Variants in LIFR observed in about 807,000 individuals in gnomAD.
The protein encoded by LIFR is LIF receptor subunit alpha.
In LIFR, 84 loss-of-function variants were observed where a neutral mutation model predicts 122.2. That is an observed-to-expected ratio of 0.69 (90% CI 0.58 to 0.82). LIFR has a LOEUF of 0.82. Among genes scored for constraint, LIFR ranks in the 40% least tolerant of loss-of-function variants. The pLI, the probability that LIFR is intolerant of heterozygous loss-of-function variation, is 0.00. For missense variants in LIFR, 1,294 were observed against 1,311.6 expected (o/e 0.99, Z 0.21); for synonymous variants, 422 against 434.7 (o/e 0.97, Z 0.36).
At chr5:38,511,659 C>T (rs2112497802) in intron 6 of LIFR, 131 bp downstream of exon 6, 2 of 828,770 alleles carry the variant, frequency 2.4e-6, no homozygotes, top group East Asian at 2.6e-5. Context: ...GGATGGTGGG[C>T]TTAGACGCTC....
rs753453999 is a variant in LIFR at position 38,511,834 on chromosome 5, C to A, written c.692G>T (p.Gly231Val). 8.7e-6 allele frequency: 14 copies of A among 1,613,972 alleles called. No individual in the cohort carries two copies. The highest frequency in any genetic ancestry group is 1.7e-5 in the Admixed American group (1 of 60,006). ...RCYIDNLHFS[G>V]LEEWSDWSPV... is the part of the protein sequence containing the mutation. ...GCTCCAGTCACTCCACTCTTCGAGA[C>A]CAGAAAAATGAAGATTGTCAATGTA... Residue 231 changes from glycine to valine, a missense_variant, in exon 6 of 20, where the codon GGT becomes GTT. Physicochemically the swap from Gly to Val is moderately radical, Grantham distance 109. Coordinates refer to ENST00000453190, the MANE Select transcript of LIFR (RefSeq NM_001127671.2).
chr5:38,544,026 T>C (rs1188986717), intron 1 of LIFR, among the ~76,000 whole-genome samples: 1 of 152,130 alleles, frequency 6.6e-6, no homozygotes, highest in Non-Finnish European at 1.5e-5. Flanking sequence ...CTTGAGTCAT[T>C]CCTTTCCTTC....
chr5:38,541,763 T>C (rs1747604231), intron 1 of LIFR, among the ~76,000 whole-genome samples: 1 of 152,112 alleles, frequency 6.6e-6, no homozygotes, highest in African/African-American at 2.4e-5. Flanking sequence ...AGGATTCTAA[T>C]AAATAAATCC....
chr5:38,533,203 C>T (rs1747110177), intron 1 of LIFR, among the ~76,000 whole-genome samples: 1 of 152,198 alleles, frequency 6.6e-6, no homozygotes, highest in South Asian at 2.1e-4. Context: ...TGGGCAGTAT[C>T]CTTCCTGCCC....
rs1579983261 is a variant in LIFR, at chr5:38,477,104, T to C, written c.*4491A>G. The C allele has an allele frequency of 4.5e-6, 1 of 223,948 alleles. No homozygotes were observed. Among genetic ancestry groups the C allele is most frequent in the East Asian group, 6.5e-5 (1 of 15,340 alleles). 13.9% of individuals were successfully genotyped at this position (223,948 alleles called of 1,614,324 possible). A position where few individuals can be genotyped will look rare whatever the true frequency, so the allele number is the denominator to read the frequency against. On this transcript the variant is annotated 3_prime_UTR_variant, in exon 20 of 20. Transcript: ENST00000453190. The stretch of plus-strand genomic sequence containing the variant: ...TAATCCTTTACACTGGCACTAAAAA[T>C]AGTTCATCTGTAATAAGCATGAATA...
chr5:38,502,852 CAT>C (rs199662337), intron 10 of LIFR, 53 bp from the exon 11 acceptor site: 92 of 1,023,810 alleles, frequency 9.0e-5, no homozygotes, highest in South Asian at 2.1e-4. Context: ...TGTATGAATA[CAT>C]ATATATATAC....
At chr5:38,517,048 G>A (rs1392769204) in intron 5 of LIFR, among the ~76,000 whole-genome samples, 1 of 151,938 alleles carries the variant, frequency 6.6e-6, no homozygotes, top group Non-Finnish European at 1.5e-5. Context: ...CACACATCGG[G>A]GCCTGTCAGG....
Position 38,485,894 on chromosome 5 carries a change from G to A in LIFR, c.2422C>T (p.His808Tyr). The A allele has an allele frequency of 6.2e-7, 1 of 1,614,070 alleles. No homozygotes were observed. Among genetic ancestry groups the A allele is most frequent in the Non-Finnish European group, 8.5e-7 (1 of 1,179,962 alleles). Residue 808 changes from histidine (H) to tyrosine (Y), a missense_variant, in exon 17 of 20, where the codon CAC (histidine) becomes TAC (tyrosine). Physicochemically the swap from His to Tyr is moderately conservative, Grantham distance 83 (BLOSUM62 2). Coordinates refer to ENST00000453190, the MANE Select transcript of LIFR (RefSeq NM_001127671.2). ...TCTGTATAGGCTCGCAAGACCAGGT[G>A]GTAACTTGTTTTACCTTGAAGATCA... ...IADLQGKTSY[H>Y]LVLRAYTDGG...
At position 38,593,147 on chromosome 5, in the gene LIFR, G is replaced by C. The variant is rs6871054; in HGVS notation, c.-20+2114C>G. On this transcript the variant is annotated intron_variant, in intron 1 of 19. Transcript: ENST00000263409. ...GAACCCAGGAGGCGGAGGTTGCGGT[G>C]AGCCGAGGTCGAGCCACTGCACTCC... Among the ~76,000 whole-genome samples, 849 of 151,850 alleles carry C rather than the reference G, an allele frequency of 5.6e-3. 4 individuals carry two copies. Among genetic ancestry groups the C allele is most frequent in the African/African-American group, 0.018 (758 of 41,456 alleles).
chr5:38,581,382 G>A, intron 1 of LIFR, among the ~76,000 whole-genome samples: 1 of 151,940 alleles, frequency 6.6e-6, no homozygotes, highest in East Asian at 1.9e-4. Flanking sequence ...TAAACGCGGA[G>A]TCTACACTCT....
rs563723871 is a variant in LIFR at position 38,485,682 on chromosome 5, C to T, written c.2497+137G>A. 1.0e-3 allele frequency: 928 copies of T among 891,906 alleles called. 4 individuals are homozygous for T. Among genetic ancestry groups the T allele is most frequent in the Non-Finnish European group, 2.6e-4 (142 of 548,736 alleles). The allele number at this position is 891,906 out of a possible 1,614,324, so 55.2% of individuals were successfully genotyped here. On this transcript the variant is annotated intron_variant, in intron 17 of 19. Coordinates refer to ENST00000453190, the MANE Select transcript of LIFR (RefSeq NM_001127671.2). ...TAATCTTACAGCTTTTTAACCCTTC[C>T]CTCTACCAGCCAAAAACTGCAACAA...
intron 17 of LIFR, chr5:38,485,539 G>A (rs889133791): frequency 2.6e-5 from 12 of 459,976 alleles, no homozygotes; most frequent in African/African-American, 9.8e-5. Flanking sequence ...AATGTTGACC[G>A]TTAGATAAAT....
intron 13 of LIFR, among the ~76,000 whole-genome samples, chr5:38,494,812 G>C (rs1027076631): frequency 2.0e-5 from 3 of 152,156 alleles, no homozygotes; most frequent in African/African-American, 7.2e-5. Flanking sequence ...GCAGCCATGG[G>C]AGAGTACTTA....
intron 5 of LIFR, among the ~76,000 whole-genome samples, chr5:38,515,787 G>T (rs775426567): frequency 6.6e-6 from 1 of 152,100 alleles, no homozygotes; most frequent in African/African-American, 2.4e-5. Context: ...ATTTGTGTGT[G>T]GGGGAGCAGT....
intron 1 of LIFR, among the ~76,000 whole-genome samples, chr5:38,534,265 A>C (rs569964389): frequency 6.6e-6 from 1 of 152,328 alleles, no homozygotes; most frequent in East Asian, 1.9e-4. Context: ...CCAGTGAAGA[A>C]GGCTTTTCAG....
chr5:38,509,273 T>G (rs1453143687), intron 7 of LIFR, among the ~76,000 whole-genome samples: 1 of 152,198 alleles, frequency 6.6e-6, no homozygotes, highest in Admixed American at 6.5e-5. Flanking sequence ...GGTCTCAACT[T>G]AGACTCCAGG....
chr5:38,551,123 T>C (rs1057319570), intron 1 of LIFR, among the ~76,000 whole-genome samples: 2 of 152,194 alleles, frequency 1.3e-5, no homozygotes, highest in Non-Finnish European at 2.9e-5. Flanking sequence ...AGAAAATGTA[T>C]GCTCCTAACT....
At chr5:38,564,109 A>G (rs1329672223) in intron 1 of LIFR, among the ~76,000 whole-genome samples, 2 of 151,952 alleles carry the variant, frequency 1.3e-5, no homozygotes, top group Non-Finnish European at 2.9e-5. Flanking sequence ...CCTGTTTCAG[A>G]TTGTATTGCT....
chr5:38,588,691 C>T, intron 1 of LIFR, among the ~76,000 whole-genome samples: 1 of 152,090 alleles, frequency 6.6e-6, no homozygotes, highest in Non-Finnish European at 1.5e-5. Flanking sequence ...GGCCTTAAAT[C>T]CCTATGGATT....
Sources: allele counts gnomAD v4.1 joint callset (sites outside exome capture counted in the v4.1 genomes callset), GRCh38; gene constraint gnomAD v4.1.1; transcripts MANE v1.5; gene names NCBI Gene and HGNC (gene_info 2026-07-23, HGNC 2026-07-21).